RPRD2: variants seen among roughly 807,000 people sequenced by gnomAD.
RPRD2 encodes regulation of nuclear pre-mRNA domain-containing protein 2.
In RPRD2, 12 loss-of-function variants were observed where a neutral mutation model predicts 104.4. That is an observed-to-expected ratio of 0.11 (90% confidence interval 0.07 to 0.19). RPRD2 has a LOEUF of 0.19. Ranked by LOEUF, RPRD2 falls within the 10% of genes least tolerant of loss-of-function variation. The pLI is 1.00. For missense variants in RPRD2, 1,543 were observed against 1,790.1 expected (o/e 0.86, Z 2.49); for synonymous variants, 714 against 684.9 (o/e 1.04, Z -0.66).
chr1:150,448,981 T>C (rs11205378), intron 7 of RPRD2, among the ~76,000 whole-genome samples: 33,734 of 152,100 alleles, frequency 0.22, 4,252 homozygotes, highest in African/African-American at 0.32. Context: ...AGAAATGTCT[T>C]AGGCTGGGCA....
At chr1:150,386,178 T>G (rs1661552402) in intron 1 of RPRD2, among the ~76,000 whole-genome samples, 1 of 152,202 alleles carries the variant, frequency 6.6e-6, no homozygotes, top group Non-Finnish European at 1.5e-5. Context: ...CTCACTATGT[T>G]GCCCAGGCTG....
rs373619364 is a variant in RPRD2 at position 150,470,802 on chromosome 1, A to G, written c.1854A>G (p.Pro618=). ...KASIGQSPGL[P]STTFKLPSNS... ...CAATTGGGCAAAGCCCAGGGCTCCC[A>G]AGCACTACTTTTAAACTACCTTCCA... Residue 618 remains proline, a synonymous_variant, in exon 11 of 11, where the codon CCA becomes CCG. Transcript: ENST00000369068. The G allele has an allele frequency of 5.0e-6, 8 of 1,613,988 alleles. No homozygotes were observed. Among genetic ancestry groups the G allele is most frequent in the Non-Finnish European group, 6.8e-6 (8 of 1,179,892 alleles).
At chr1:150,394,631 G>T (rs1385159521) in intron 1 of RPRD2, among the ~76,000 whole-genome samples, 3 of 151,762 alleles carry the variant, frequency 2.0e-5, no homozygotes, top group African/African-American at 7.3e-5. Context: ...TTGCTCTGTC[G>T]CCCAGGCTGG....
chr1:150,371,004 T>G (rs1419460361), intron 1 of RPRD2, among the ~76,000 whole-genome samples: 1 of 152,170 alleles, frequency 6.6e-6, no homozygotes, highest in Non-Finnish European at 1.5e-5. Flanking sequence ...TCACTTTACC[T>G]CCTCTCCCTT....
intron 2 of RPRD2, among the ~76,000 whole-genome samples, chr1:150,420,506 A>G (rs1553889456): frequency 2.6e-5 from 4 of 152,168 alleles, no homozygotes; most frequent in African/African-American, 9.7e-5. Context: ...ATTATGCTGG[A>G]GGTTCCATTT....
At position 150,464,699 on chromosome 1, in the gene RPRD2, C is replaced by G; in HGVS notation, c.1584C>G (p.Thr528=). The G allele has an allele frequency of 6.2e-7, 1 of 1,612,878 alleles. No homozygotes were observed. ...PESILSALSK[T]QTQSAPALQG... Reference sequence around the variant, plus strand: ...GCATTCTGTCTGCACTTTCCAAAACCCAGACACAGTCAGCCCCTGCACTGC... The same window carrying G: ...GCATTCTGTCTGCACTTTCCAAAACGCAGACACAGTCAGCCCCTGCACTGC... Residue 528 remains threonine, a synonymous_variant, in exon 10 of 11, where the codon ACC becomes ACG. Transcript: ENST00000369068.
At chr1:150,398,874 T>C (rs900984680) in intron 1 of RPRD2, among the ~76,000 whole-genome samples, 1 of 152,148 alleles carries the variant, frequency 6.6e-6, no homozygotes, top group African/African-American at 2.4e-5. Context: ...CAATAATTTC[T>C]TAATTTTGAT....
At chr1:150,395,837 T>A (rs1662479288) in intron 1 of RPRD2, among the ~76,000 whole-genome samples, 1 of 152,184 alleles carries the variant, frequency 6.6e-6, no homozygotes, top group African/African-American at 2.4e-5. Flanking sequence ...TAATGACTTC[T>A]TTTCCTCTGG....
At chr1:150,426,133 C>T (rs907293208) in intron 2 of RPRD2, among the ~76,000 whole-genome samples, 3 of 152,138 alleles carry the variant, frequency 2.0e-5, no homozygotes, top group African/African-American at 7.2e-5. Flanking sequence ...AGGGATGCCA[C>T]TTAAAGCCTT....
At chr1:150,420,172 C>G (rs1572437188) in intron 2 of RPRD2, among the ~76,000 whole-genome samples, 1 of 152,160 alleles carries the variant, frequency 6.6e-6, no homozygotes, top group Admixed American at 6.5e-5. Flanking sequence ...ACTGTAGTAT[C>G]TATAACTTAG....
At chr1:150,427,470 C>T (rs1273621438) in intron 2 of RPRD2, among the ~76,000 whole-genome samples, 1 of 133,500 alleles carries the variant, frequency 7.5e-6, no homozygotes, top group African/African-American at 2.9e-5. Flanking sequence ...GAGACTCTAT[C>T]TCAAAAAAAA....
intron 1 of RPRD2, among the ~76,000 whole-genome samples, chr1:150,396,077 A>G (rs190270184): frequency 6.6e-6 from 1 of 151,804 alleles, no homozygotes; most frequent in African/African-American, 2.4e-5. Flanking sequence ...TTTGATTTGC[A>G]TTTCCCTGAT....
intron 2 of RPRD2, among the ~76,000 whole-genome samples, chr1:150,419,699 G>A (rs1553889258): frequency 6.6e-6 from 1 of 152,118 alleles, no homozygotes; most frequent in Non-Finnish European, 1.5e-5. Context: ...TCGGCTTACC[G>A]CAACCTCCGC....
At chr1:150,464,847 ATTC>A (rs1668162991) in intron 10 of RPRD2, 120 bp downstream of exon 10, 2 of 485,052 alleles carry the variant, frequency 4.1e-6, no homozygotes, top group Non-Finnish European at 3.3e-6. Flanking sequence ...TTAATTCATT[ATTC>A]TTTTTATTTA....
At chr1:150,433,973 A>C (rs9436112) in intron 2 of RPRD2, among the ~76,000 whole-genome samples, 49,972 of 151,854 alleles carry the variant, frequency 0.33, 8,936 homozygotes, top group Non-Finnish European at 0.4. Flanking sequence ...AACCAAGAAG[A>C]AGCACTGAAC....
intron 1 of RPRD2, among the ~76,000 whole-genome samples, chr1:150,403,627 T>C (rs955914464): frequency 2.6e-5 from 4 of 152,146 alleles, no homozygotes; most frequent in South Asian, 2.1e-4. Context: ...AATATTCCAT[T>C]GTATGCGTCC....
chr1:150,425,655 A>AG (rs1665073500), intron 2 of RPRD2, among the ~76,000 whole-genome samples: 1 of 150,914 alleles, frequency 6.6e-6, no homozygotes, highest in Non-Finnish European at 1.5e-5. Context: ...AAAAAAAAAA[A>AG]GAAAAATAAA....
At chr1:150,399,609 T>C (rs2102212815) in intron 1 of RPRD2, among the ~76,000 whole-genome samples, 1 of 151,776 alleles carries the variant, frequency 6.6e-6, no homozygotes, top group Middle Eastern at 3.4e-3. Context: ...ATAGAAAAAT[T>C]AGCCAGGTGT....
chr1:150,417,828 T>G, intron 2 of RPRD2, 103 bp downstream of exon 2: 1 of 876,744 alleles, frequency 1.1e-6, no homozygotes, highest in South Asian at 4.2e-5. Flanking sequence ...GCTTGAAGAT[T>G]AAGGATAATT....
Sources: allele counts gnomAD v4.1 joint callset (sites outside exome capture counted in the v4.1 genomes callset), GRCh38; gene constraint gnomAD v4.1.1; transcripts MANE v1.5; gene names NCBI Gene and HGNC (gene_info 2026-07-23, HGNC 2026-07-21).